GPATCH2L: variants seen among roughly 807,000 people sequenced by gnomAD.
GPATCH2L encodes the protein G patch domain-containing protein 2-like.
GPATCH2L carries 31 observed loss-of-function variants against 57.4 expected under a neutral mutation model. The observed-to-expected ratio is 0.54, with a 90% CI of 0.41 to 0.73. The LOEUF is 0.73. Among genes scored for constraint, GPATCH2L ranks in the 30% least tolerant of loss-of-function variants. GPATCH2L has a pLI of 0.00. For missense variants in GPATCH2L, 481 were observed against 599.9 expected (o/e 0.80, Z 2.07); for synonymous variants, 199 against 210.7 (o/e 0.94, Z 0.48).
chr14:76,172,952 A>C (rs1237685416), intron 4 of GPATCH2L, among the ~76,000 whole-genome samples: 1 of 152,220 alleles, frequency 6.6e-6, no homozygotes, highest in Non-Finnish European at 1.5e-5. Flanking sequence ...AAAAGTTTCT[A>C]ATGGACCACT....
At position 76,212,362 on chromosome 14, in the gene GPATCH2L, T is replaced by G. The variant is rs1431617517; in HGVS notation, c.*10511T>G. On this transcript the variant is annotated 3_prime_UTR_variant, in exon 10 of 10. Coordinates refer to ENST00000261530, the MANE Select transcript of GPATCH2L (RefSeq NM_017926.4). ...ACAAACAAGAAAATGAGTTGTAGTC[T>G]GCATATCAGGCAAGGTTGAACTTAG... The G allele has an allele frequency of 6.6e-6, 1 of 151,364 alleles. No homozygotes were observed. 9.4% of individuals were successfully genotyped at this position (151,364 alleles called of 1,614,324 possible). A position where few individuals can be genotyped will look rare whatever the true frequency, so the allele number is the denominator to read the frequency against.
intron 2 of GPATCH2L, among the ~76,000 whole-genome samples, chr14:76,165,206 G>T (rs1222926039): frequency 3.3e-5 from 5 of 152,072 alleles, no homozygotes; most frequent in South Asian, 2.1e-4. Flanking sequence ...AAAGAAATAG[G>T]GTTTGGGCTG....
In GPATCH2L at chr14:76,210,138, CA is replaced by C. The variant is rs920826364; in HGVS notation, c.*8288del. On this transcript the variant is annotated 3_prime_UTR_variant, in exon 10 of 10. Transcript: ENST00000261530. Reference sequence around the variant, plus strand: ...TCCTTGAAACTATTAGGCCCCTGTCCAGAGTACCTAATAATAATAATGGCAA... The same window carrying C: ...TCCTTGAAACTATTAGGCCCCTGTCCGAGTACCTAATAATAATAATGGCAA... 1 of 152,148 alleles carries C rather than the reference CA, an allele frequency of 6.6e-6. No individual in the cohort carries two copies. The highest frequency in any genetic ancestry group is 1.5e-5 in the Non-Finnish European group (1 of 68,030). The allele number at this position is 152,148 out of a possible 1,614,324, so 9.4% of individuals were successfully genotyped here. A position where few individuals can be genotyped will look rare whatever the true frequency, so the allele number is the denominator to read the frequency against.
Position 76,172,008 on chromosome 14 carries a change from C to T in GPATCH2L, c.893C>T (p.Pro298Leu), listed in dbSNP as rs2039108137. The stretch of plus-strand genomic sequence containing the variant: ...TCCACATTCCTTTTACCTTCTCGGC[C>T]AGCTCAAAGAGGTGAGTTCTGAGGA... The part of the protein sequence containing the change: ...SDSTFLLPSR[P>L]AQRGYHTRLN... The change falls in exon 4 of 10, where the codon CCA becomes CTA. Residue 298 changes from proline to leucine, a missense_variant. Physicochemically the swap from Pro to Leu is moderately conservative, Grantham distance 98. This residue lies in a region of GPATCH2L where 248 missense variants were observed against 270.5 expected (regional missense o/e 0.92). Coordinates refer to ENST00000261530, the MANE Select transcript of GPATCH2L (RefSeq NM_017926.4). 1.2e-6 allele frequency: 2 copies of T among 1,607,254 alleles called. No homozygotes were observed. Among genetic ancestry groups the T allele is most frequent in the Non-Finnish European group, 1.7e-6 (2 of 1,176,608 alleles).
chr14:76,227,406 T>G (rs138738942), intron 1 of GPATCH2L, among the ~76,000 whole-genome samples: 1 of 151,808 alleles, frequency 6.6e-6, no homozygotes, highest in African/African-American at 2.4e-5. Flanking sequence ...ATGAGACCAG[T>G]GGAGTACCAG....
intron 2 of GPATCH2L, among the ~76,000 whole-genome samples, chr14:76,163,907 G>C (rs2038711179): frequency 6.6e-6 from 1 of 152,228 alleles, no homozygotes; most frequent in African/African-American, 2.4e-5. Flanking sequence ...GGGACATTGA[G>C]ATGAGCAAGA....
Position 76,171,831 on chromosome 14 carries a change from T to G in GPATCH2L, c.728-12T>G. On this transcript the variant is annotated splice_polypyrimidine_tract_variant and intron_variant, in intron 3 of 9. Coordinates refer to ENST00000261530, the MANE Select transcript of GPATCH2L (RefSeq NM_017926.4). ...TAAAATTCTAGCTTATGATATGATG[T>G]CTTTACTTTAGGTGATGACGAACAG... 6.6e-7 allele frequency: 1 copy of G among 1,513,864 alleles called. No individual in the cohort carries two copies. The highest frequency in any genetic ancestry group is 8.9e-7 in the Non-Finnish European group (1 of 1,121,990). 93.8% of individuals were successfully genotyped at this position (1,513,864 alleles called of 1,614,324 possible). A position where few individuals can be genotyped will look rare whatever the true frequency, so the allele number is the denominator to read the frequency against.
chr14:76,195,883 C>CA lies in GPATCH2L; in HGVS notation c.1202dup (p.Asn401LysfsTer11). The CA allele has an allele frequency of 6.2e-7, 1 of 1,612,460 alleles. No homozygotes were observed. The highest frequency in any genetic ancestry group is 8.5e-7 in the Non-Finnish European group (1 of 1,178,600). ...TCTTCTTCTTACATCTGCAGACAGG[C>CA]AAATGTACACTGGGGACCACCATGT... is the stretch of plus-strand genomic sequence containing the variant. On this transcript the variant is annotated frameshift_variant, in exon 9 of 10. Transcript: ENST00000261530. LOFTEE classifies it high-confidence loss of function.
intron 8 of GPATCH2L, among the ~76,000 whole-genome samples, chr14:76,185,476 T>C (rs1378242384): frequency 3.3e-5 from 5 of 152,174 alleles, no homozygotes; most frequent in Non-Finnish European, 5.9e-5. Flanking sequence ...TAGCTAGGAT[T>C]TATCAATTGC....
intron 1 of GPATCH2L, among the ~76,000 whole-genome samples, chr14:76,225,838 T>C (rs896077226): frequency 2.6e-5 from 4 of 152,166 alleles, no homozygotes; most frequent in African/African-American, 9.7e-5. Flanking sequence ...AATATCTGAA[T>C]GGCCAATAGA....
intron 2 of GPATCH2L, among the ~76,000 whole-genome samples, chr14:76,163,784 C>G (rs1043787721): frequency 1.3e-5 from 2 of 152,216 alleles, no homozygotes; most frequent in African/African-American, 4.8e-5. Flanking sequence ...GTTGAAGTGA[C>G]ATGCCGCAAG....
At position 76,203,733 on chromosome 14, in the gene GPATCH2L, C is replaced by G. The variant is rs941137754; in HGVS notation, c.*1882C>G. ...ATGTAATGTCTGTTGAATATAAAAT[C>G]GTACCACTGAATTGTTCTAGTGATG... On this transcript the variant is annotated 3_prime_UTR_variant, in exon 10 of 10. Transcript: ENST00000261530. 1 of 152,256 alleles carries G rather than the reference C, an allele frequency of 6.6e-6. No homozygotes were observed. The highest frequency in any genetic ancestry group is 1.5e-5 in the Non-Finnish European group (1 of 68,060). The allele number at this position is 152,256 out of a possible 1,614,324, so 9.4% of individuals were successfully genotyped here.
At position 76,228,733 on chromosome 14, in the gene GPATCH2L, G is replaced by A. The variant is rs377488850; in HGVS notation, c.66-1075G>A. On this transcript the variant is annotated intron_variant and NMD_transcript_variant, in intron 1 of 3. Transcript: ENST00000556372. ...CCTCCCTCTGTGTCCTTTGGTGACT[G>A]TGAAAGGATGTGACAGTGTCTGGTG... Among the ~76,000 whole-genome samples the A allele has an allele frequency of 5.9e-5, 9 of 152,328 alleles. No homozygotes were observed. The East Asian group carries it at 1.2e-3, about 20-fold the overall frequency.
At chr14:76,221,726 C>A (rs1476518961) in intron 1 of GPATCH2L, among the ~76,000 whole-genome samples, 1 of 152,130 alleles carries the variant, frequency 6.6e-6, no homozygotes, top group Non-Finnish European at 1.5e-5. Flanking sequence ...AGAAGCCAAT[C>A]TGAAAAGGCT....
At chr14:76,175,573 C>G (rs2039286265) in intron 5 of GPATCH2L, 1 of 152,064 alleles carries the variant, frequency 6.6e-6, no homozygotes, top group Non-Finnish European at 1.5e-5. Context: ...CATTTTTCAC[C>G]CATCTTTTCC....
chr14:76,199,226 C>T (rs554754327), intron 9 of GPATCH2L, among the ~76,000 whole-genome samples: 1 of 151,948 alleles, frequency 6.6e-6, no homozygotes, highest in South Asian at 2.1e-4. Context: ...AAATCTTCTC[C>T]CTGCTCTCCT....
intron 3 of GPATCH2L, among the ~76,000 whole-genome samples, chr14:76,171,275 A>C (rs908852114): frequency 1.4e-5 from 2 of 145,330 alleles, no homozygotes; most frequent in African/African-American, 5.2e-5. Context: ...TCTACAGAGA[A>C]TTAAAAAAAA....
intron 8 of GPATCH2L, among the ~76,000 whole-genome samples, chr14:76,192,377 G>A (rs551842735): frequency 6.6e-6 from 1 of 152,142 alleles, no homozygotes; most frequent in African/African-American, 2.4e-5. Flanking sequence ...TGTCTAGGAA[G>A]GGACATAGAG....
At position 76,171,886 on chromosome 14, in the gene GPATCH2L, C is replaced by T. The variant is rs1566785954; in HGVS notation, c.771C>T (p.Val257=). The T allele has an allele frequency of 6.2e-7, 1 of 1,608,544 alleles. No homozygotes were observed. The highest frequency in any genetic ancestry group is 8.5e-7 in the Non-Finnish European group (1 of 1,176,284). The change falls in exon 4 of 10, where the codon GTC becomes GTT. Residue 257 remains valine (V), a synonymous_variant. Transcript: ENST00000261530. The part of the protein sequence containing the change: ...QSDWFYEGEC[V]PGFTVPNLLP... The stretch of plus-strand genomic sequence containing the variant: ...ATTGGTTCTATGAAGGAGAATGTGT[C>T]CCAGGATTCACTGTCCCTAATCTTC...
Sources: allele counts gnomAD v4.1 joint callset (sites outside exome capture counted in the v4.1 genomes callset), GRCh38; gene constraint gnomAD v4.1.1; regional missense constraint gnomAD v4.1.1; transcripts MANE v1.5; gene names NCBI Gene and HGNC (gene_info 2026-07-23, HGNC 2026-07-21).